The following MUSK variants were observed in gnomAD, a reference collection of about 807,000 sequenced individuals.
MUSK encodes the protein muscle associated receptor tyrosine kinase.
In MUSK, 55 loss-of-function variants were observed where a neutral mutation model predicts 88.7. That is an observed-to-expected ratio of 0.62 (90% confidence interval 0.50 to 0.78). The LOEUF is 0.78. MUSK is among the 30% of genes least tolerant of loss of function. MUSK has a pLI of 0.00. For missense variants in MUSK, 1,015 were observed against 1,074.3 expected (o/e 0.94, Z 0.77); for synonymous variants, 387 against 391.9 (o/e 0.99, Z 0.15).
At chr9:110,731,267 G>A (rs900388016) in intron 5 of MUSK, among the ~76,000 whole-genome samples, 1 of 151,986 alleles carries the variant, frequency 6.6e-6, no homozygotes, top group African/African-American at 2.4e-5. Context: ...TTCTAGAGAG[G>A]AGAGACTGAC....
chr9:110,801,019 T>G lies in MUSK; in HGVS notation c.*31T>G. On this transcript the variant is annotated 3_prime_UTR_variant, in exon 15 of 15. Transcript: ENST00000374448. ...AAGACGTTCAAATAAAATGCTGCAGTTTCCTCTCAGACTCTGTGAGCCAGG... is the reference window on the plus strand; with the variant it reads ...AAGACGTTCAAATAAAATGCTGCAGGTTCCTCTCAGACTCTGTGAGCCAGG... 1.4e-6 allele frequency: 2 copies of G among 1,470,834 alleles called. No homozygotes were observed. The highest frequency in any genetic ancestry group is 1.8e-6 in the Non-Finnish European group (2 of 1,110,650). The allele number at this position is 1,470,834 out of a possible 1,614,324, so 91.1% of individuals were successfully genotyped here.
chr9:110,689,477 A>G (rs1406002218), intron 3 of MUSK, among the ~76,000 whole-genome samples: 7 of 110,036 alleles, frequency 6.4e-5, no homozygotes, highest in African/African-American at 2.5e-4. Flanking sequence ...ATATGTAAAA[A>G]ATATAAAAAT....
At chr9:110,689,332 T>A (rs1410855637) in intron 3 of MUSK, among the ~76,000 whole-genome samples, 2 of 116,704 alleles carry the variant, frequency 1.7e-5, no homozygotes, top group African/African-American at 7.1e-5. Flanking sequence ...AAATATATAT[T>A]TAAATATAAA....
intron 5 of MUSK, among the ~76,000 whole-genome samples, chr9:110,702,100 A>G (rs2076536081): frequency 6.6e-6 from 1 of 151,460 alleles, no homozygotes; most frequent in South Asian, 2.1e-4. Flanking sequence ...CTAGGATTAA[A>G]CACTATAGCT....
intron 1 of MUSK, among the ~76,000 whole-genome samples, chr9:110,682,217 TGA>T (rs779750717): frequency 2.0e-5 from 3 of 152,120 alleles, no homozygotes; most frequent in Non-Finnish European, 4.4e-5. Context: ...TGTGCTTTTA[TGA>T]GTGTCTATTT....
intron 5 of MUSK, among the ~76,000 whole-genome samples, chr9:110,723,093 C>A (rs1313311571): frequency 3.3e-5 from 5 of 152,068 alleles, no homozygotes; most frequent in Non-Finnish European, 7.4e-5. Flanking sequence ...ATGTTCATAG[C>A]AGCACAATTT....
At chr9:110,697,487 C>T in intron 5 of MUSK, 21 bp downstream of exon 5, 1 of 1,602,162 alleles carries the variant, frequency 6.2e-7, no homozygotes, top group Non-Finnish European at 8.5e-7. Context: ...GCATTTCTTC[C>T]CCTGACTGTG....
At chr9:110,691,368 T>G (rs2076353892) in intron 3 of MUSK, among the ~76,000 whole-genome samples, 1 of 152,138 alleles carries the variant, frequency 6.6e-6, no homozygotes, top group South Asian at 2.1e-4. Flanking sequence ...CATTGTCTCC[T>G]TCTCAGCTAA....
intron 7 of MUSK, among the ~76,000 whole-genome samples, chr9:110,750,272 C>G (rs1239044953): frequency 6.6e-6 from 1 of 152,188 alleles, no homozygotes; most frequent in African/African-American, 2.4e-5. Context: ...TCTCCCTTTT[C>G]TTCCTTCTTT....
At chr9:110,689,716 TATGTTATATATAG>T (rs1354945878) in intron 3 of MUSK, among the ~76,000 whole-genome samples, 7 of 37,938 alleles carry the variant, frequency 1.8e-4, no homozygotes, top group African/African-American at 3.5e-4. Context: ...TATAACTATA[TATGTTATATATAG>T]TTTATATATA....
At chr9:110,687,844 A>G (rs2076218245) in intron 3 of MUSK, among the ~76,000 whole-genome samples, 1 of 152,012 alleles carries the variant, frequency 6.6e-6, no homozygotes, top group Admixed American at 6.6e-5. Flanking sequence ...GACTTCTTCC[A>G]CCCTGAATTC....
intron 3 of MUSK, among the ~76,000 whole-genome samples, chr9:110,689,534 A>AAT (rs1554735086): frequency 9.8e-6 from 1 of 102,206 alleles, no homozygotes; most frequent in African/African-American, 4.4e-5. Flanking sequence ...ACTATATATA[A>AAT]ATATATAGTT....
chr9:110,766,310 G>C (rs909995364), intron 8 of MUSK, among the ~76,000 whole-genome samples: 1 of 152,120 alleles, frequency 6.6e-6, no homozygotes, highest in Non-Finnish European at 1.5e-5. Flanking sequence ...CGTTTACTGA[G>C]CCTCAACAAC....
At chr9:110,677,003 C>T (rs2076039897) in intron 1 of MUSK, among the ~76,000 whole-genome samples, 2 of 152,150 alleles carry the variant, frequency 1.3e-5, no homozygotes, top group South Asian at 4.1e-4. Context: ...CCTCCTTCTC[C>T]CTCACTGTGC....
intron 11 of MUSK, among the ~76,000 whole-genome samples, chr9:110,776,923 T>C (rs2077681087): frequency 6.6e-6 from 1 of 152,204 alleles, no homozygotes; most frequent in South Asian, 2.1e-4. Flanking sequence ...GTTTTATTTC[T>C]TATATGGCTA....
rs183477044 is a variant in MUSK, at chr9:110,804,028, C to T, written c.*3040C>T. ...CACCCAAAAACATATTCTCTGCTAT[C>T]GTGGTAGAGCAGAAAAAGAACACTT... On this transcript the variant is annotated 3_prime_UTR_variant, in exon 15 of 15. Transcript: ENST00000374448. Among the ~76,000 whole-genome samples, 9 of 152,214 alleles carry T rather than the reference C, an allele frequency of 5.9e-5. No individual in the cohort carries two copies. Among genetic ancestry groups the T allele is most frequent in the Admixed American group, 2.0e-4 (3 of 15,290 alleles).
intron 5 of MUSK, among the ~76,000 whole-genome samples, chr9:110,707,013 G>T (rs1317756554): frequency 2.1e-5 from 3 of 142,738 alleles, no homozygotes; most frequent in East Asian, 2.0e-4. Context: ...CAAAAAAATA[G>T]AGAGAGAGAG....
At chr9:110,694,384 T>TC (rs2076400780) in intron 3 of MUSK, among the ~76,000 whole-genome samples, 1 of 56,472 alleles carries the variant, frequency 1.8e-5, no homozygotes, top group Non-Finnish European at 3.4e-5. Context: ...AGACTCCGTC[T>TC]CAAAAAAAAA....
At chr9:110,773,422 C>T (rs993338645) in intron 9 of MUSK, among the ~76,000 whole-genome samples, 1 of 152,002 alleles carries the variant, frequency 6.6e-6, no homozygotes, top group Non-Finnish European at 1.5e-5. Context: ...TGCATATGCT[C>T]AATTTTTGGA....
Sources: gnomAD v4.1 joint callset for allele counts (sites outside exome capture counted in the v4.1 genomes callset) on GRCh38, gnomAD v4.1.1 for gene constraint, MANE v1.5 for transcripts, NCBI Gene and HGNC (gene_info 2026-07-23, HGNC 2026-07-21) for gene names.